The following CNTNAP2 variants were observed in gnomAD, a reference collection of about 807,000 sequenced individuals.
CNTNAP2 encodes contactin-associated protein-like 2.
Under a neutral mutation model 155.2 loss-of-function variants are expected in CNTNAP2, and 98 were observed. The observed-to-expected ratio is 0.63, with a 90% CI of 0.54 to 0.75. The LOEUF is 0.75. Among genes scored for constraint, CNTNAP2 ranks in the 30% least tolerant of loss-of-function variants. The probability of loss-of-function intolerance (pLI) is 0.00; values close to 1 mark genes in which losing one functional copy is unlikely to be tolerated. For synonymous variants in CNTNAP2, 651 were observed against 631.2 expected, an observed-to-expected ratio of 1.03 and a Z score of -0.47; for missense variants, 1,727 against 1,688.1, an observed-to-expected ratio of 1.02 and a Z score of -0.40.
At chr7:147,301,590 CTCTGTGTGTGTGTG>C (rs1233415122) in intron 9 of CNTNAP2, among the ~76,000 whole-genome samples, 2,841 of 111,486 alleles carry the variant, frequency 0.025, 33 homozygotes, top group African/African-American at 0.039. Flanking sequence ...CTCTCTCTCT[CTCTGTGTGTGTGTG>C]TGTGTGTGTG....
chr7:148,235,268 A>C (rs1028637911), intron 20 of CNTNAP2, among the ~76,000 whole-genome samples: 3 of 152,208 alleles, frequency 2.0e-5, no homozygotes, highest in Non-Finnish European at 2.9e-5. Flanking sequence ...CTGTATATAA[A>C]TCTTAAGAAC....
Position 146,774,325 on chromosome 7 carries a change from C to T in CNTNAP2, c.152C>T (p.Ser51Phe), listed in dbSNP as rs183378415. 3 of 1,614,002 alleles carry T rather than the reference C, an allele frequency of 1.9e-6. No homozygotes were observed. The highest frequency in any genetic ancestry group is 2.2e-5 in the East Asian group (1 of 44,868). ...CTCCCCCATGTGGCTTTCAGCAGCT[C>T]CTCCTCCATCTCTGGTAGCTATTCT... ...SGLPHVAFSS[S>F]SSISGSYSPG... Residue 51 changes from serine to phenylalanine, a missense_variant, in exon 2 of 24, where the codon TCC becomes TTC. Coordinates refer to ENST00000361727, the MANE Select transcript of CNTNAP2 (RefSeq NM_014141.6).
At chr7:146,481,470 G>A (rs1013866106) in intron 1 of CNTNAP2, among the ~76,000 whole-genome samples, 6 of 152,156 alleles carry the variant, frequency 3.9e-5, no homozygotes, top group African/African-American at 1.2e-4. Flanking sequence ...ACTGCGCAGT[G>A]TTTTTGTGAC....
chr7:147,743,158 T>A (rs538361091), intron 13 of CNTNAP2, among the ~76,000 whole-genome samples: 1 of 152,102 alleles, frequency 6.6e-6, no homozygotes, highest in Admixed American at 6.5e-5. Context: ...AATTTAGGAG[T>A]AACACGAGAA....
intron 15 of CNTNAP2, among the ~76,000 whole-genome samples, chr7:148,017,838 G>C (rs1006690557): frequency 8.5e-5 from 13 of 152,210 alleles, no homozygotes; most frequent in African/African-American, 3.1e-4. Context: ...TGGTATTTGA[G>C]AAAAACGTTG....
chr7:147,955,339 GACA>G (rs1277505952), intron 14 of CNTNAP2, among the ~76,000 whole-genome samples: 11 of 151,916 alleles, frequency 7.2e-5, no homozygotes, highest in Admixed American at 3.3e-4. Context: ...ATTAATTTAA[GACA>G]ACATTAAAAA....
chr7:146,807,603 A>G (rs1802991033), intron 2 of CNTNAP2, among the ~76,000 whole-genome samples: 2 of 152,010 alleles, frequency 1.3e-5, no homozygotes, highest in Admixed American at 1.3e-4. Context: ...GAATTTTACC[A>G]AGGTCAATTT....
At chr7:147,658,813 G>A (rs1795570188) in intron 13 of CNTNAP2, among the ~76,000 whole-genome samples, 1 of 152,088 alleles carries the variant, frequency 6.6e-6, no homozygotes, top group African/African-American at 2.4e-5. Flanking sequence ...CTGACCCTTT[G>A]TTTTTTCTAT....
At chr7:146,722,744 C>T (rs1801360242) in intron 1 of CNTNAP2, among the ~76,000 whole-genome samples, 1 of 151,902 alleles carries the variant, frequency 6.6e-6, no homozygotes, top group Non-Finnish European at 1.5e-5. Context: ...TGGCGAGGTG[C>T]AGTCGCTCAC....
At position 146,151,399 on chromosome 7, in the gene CNTNAP2, A is replaced by G. The variant is rs953724712; in HGVS notation, c.97+34426A>G. The stretch of plus-strand genomic sequence containing the variant: ...AATCAATATTCCTCCATTTGGTGCC[A>G]CCCACCCAATACATAGTAACCACCA... On this transcript the variant is annotated intron_variant, in intron 1 of 23. Coordinates refer to ENST00000361727, the MANE Select transcript of CNTNAP2 (RefSeq NM_014141.6). 2.6e-5 allele frequency among the ~76,000 whole-genome samples: 4 copies of G among 151,294 alleles called. No individual in the cohort carries two copies. The Admixed American group carries it at 2.7e-4, about 10-fold the overall frequency.
At chr7:148,200,471 T>C (rs1795351365) in intron 18 of CNTNAP2, among the ~76,000 whole-genome samples, 1 of 151,888 alleles carries the variant, frequency 6.6e-6, no homozygotes, top group African/African-American at 2.4e-5. Flanking sequence ...CATGGCTCAC[T>C]GGAGCTTCGA....
At chr7:146,484,030 A>T (rs1797019811) in intron 1 of CNTNAP2, among the ~76,000 whole-genome samples, 1 of 152,214 alleles carries the variant, frequency 6.6e-6, no homozygotes, top group South Asian at 2.1e-4. Context: ...AGTGCACTAT[A>T]CAAGTGTACC....
intron 9 of CNTNAP2, among the ~76,000 whole-genome samples, chr7:147,373,948 A>G (rs996397203): frequency 6.6e-6 from 1 of 152,028 alleles, no homozygotes; most frequent in African/African-American, 2.4e-5. Flanking sequence ...TGTTACAGAT[A>G]AATTTATCAG....
chr7:147,369,081 G>A (rs1431534803), intron 9 of CNTNAP2, among the ~76,000 whole-genome samples: 1 of 152,182 alleles, frequency 6.6e-6, no homozygotes, highest in African/African-American at 2.4e-5. Flanking sequence ...ACGGAAAAAA[G>A]TATGGGAGAC....
At chr7:148,033,037 A>T (rs749140515) in intron 15 of CNTNAP2, among the ~76,000 whole-genome samples, 1 of 152,130 alleles carries the variant, frequency 6.6e-6, no homozygotes, top group Non-Finnish European at 1.5e-5. Flanking sequence ...TGACTCTCCC[A>T]TTCACCAAGC....
At chr7:147,248,407 G>A (rs965588655) in intron 8 of CNTNAP2, among the ~76,000 whole-genome samples, 6 of 152,120 alleles carry the variant, frequency 3.9e-5, no homozygotes, top group Admixed American at 2.6e-4. Flanking sequence ...GGTACACTTC[G>A]CAGTCTTGGT....
chr7:147,875,460 C>T (rs1466929599), intron 13 of CNTNAP2, among the ~76,000 whole-genome samples: 29 of 152,252 alleles, frequency 1.9e-4, no homozygotes, highest in African/African-American at 7.2e-5. Context: ...AATTACCTCC[C>T]ACCAGGTCCC....
chr7:146,758,045 G>A (rs1340126738), intron 1 of CNTNAP2, among the ~76,000 whole-genome samples: 2 of 152,058 alleles, frequency 1.3e-5, no homozygotes, highest in East Asian at 3.9e-4. Context: ...GACATTGCTT[G>A]CACTTTCATT....
At chr7:146,683,834 T>A (rs1183074562) in intron 1 of CNTNAP2, among the ~76,000 whole-genome samples, 1 of 152,210 alleles carries the variant, frequency 6.6e-6, no homozygotes, top group Non-Finnish European at 1.5e-5. Context: ...TTTCAAGGTA[T>A]GGTAAAATGA....
Sources: allele counts gnomAD v4.1 joint callset (sites outside exome capture counted in the v4.1 genomes callset), GRCh38; gene constraint gnomAD v4.1.1; transcripts MANE v1.5; gene names NCBI Gene and HGNC (gene_info 2026-07-23, HGNC 2026-07-21).